The following DAB1 variants were observed in gnomAD, a reference collection of about 807,000 sequenced individuals.
The protein encoded by DAB1 is DAB adaptor protein 1.
Under a neutral mutation model 64.6 loss-of-function variants are expected in DAB1, and 15 were observed. The observed-to-expected ratio is 0.23, with a 90% CI of 0.16 to 0.36. The LOEUF (loss-of-function observed/expected upper bound fraction) is 0.36, where lower values mean the gene tolerates loss of function less well. DAB1 is among the 10% of genes least tolerant of loss of function. DAB1 has a pLI of 1.00. For missense variants in DAB1, 596 were observed against 706.7 expected, an observed-to-expected ratio of 0.84 and a Z score of 1.78; for synonymous variants, 235 against 251.9, an observed-to-expected ratio of 0.93 and a Z score of 0.64.
intron 5 of DAB1, among the ~76,000 whole-genome samples, chr1:57,936,134 A>G (rs1645021451): frequency 6.6e-6 from 1 of 152,240 alleles, no homozygotes; most frequent in South Asian, 2.1e-4. Context: ...GGTTATTCCA[A>G]GGAAGGCAGG....
At chr1:57,020,354 A>G (rs115262578) in intron 11 of DAB1, among the ~76,000 whole-genome samples, 459 of 152,312 alleles carry the variant, frequency 3.0e-3, no homozygotes, top group Non-Finnish European at 5.0e-3. Flanking sequence ...TGTTGTACCT[A>G]TTTTACAATG....
chr1:57,936,557 A>G (rs1645027481), intron 5 of DAB1, among the ~76,000 whole-genome samples: 1 of 151,952 alleles, frequency 6.6e-6, no homozygotes, highest in South Asian at 2.1e-4. Context: ...ACGCCCAGCT[A>G]ATTTTTTTTT....
Position 57,943,791 on chromosome 1 carries a change from G to A in DAB1, n.388-59629C>T, listed in dbSNP as rs1006553032. Among the ~76,000 whole-genome samples, 12 of 152,194 alleles carry A rather than the reference G, an allele frequency of 7.9e-5. No individual in the cohort carries two copies. In the South Asian group the frequency reaches 1.0e-3, roughly 13 times the overall value. On this transcript the variant is annotated intron_variant and non_coding_transcript_variant, in intron 5 of 20. Coordinates refer to the DAB1 transcript ENST00000485760. Reference sequence around the variant, plus strand: ...ATCACCCTCTACCATACTCATACCCGAGATTTATGGTAACAAGAAAGCCAT... The same window carrying A: ...ATCACCCTCTACCATACTCATACCCAAGATTTATGGTAACAAGAAAGCCAT...
chr1:57,985,891 C>G (rs1646206069), intron 5 of DAB1, among the ~76,000 whole-genome samples: 1 of 152,164 alleles, frequency 6.6e-6, no homozygotes, highest in African/African-American at 2.4e-5. Flanking sequence ...CACCATGCAC[C>G]AGAGACTCTG....
chr1:58,239,848 C>G (rs991807419), intron 4 of DAB1, among the ~76,000 whole-genome samples: 3 of 152,162 alleles, frequency 2.0e-5, no homozygotes, highest in African/African-American at 7.2e-5. Flanking sequence ...AGCACATGAA[C>G]TAAGCTACAG....
chr1:57,588,818 A>C (rs1215508674), intron 7 of DAB1, among the ~76,000 whole-genome samples: 2 of 152,236 alleles, frequency 1.3e-5, no homozygotes, highest in Admixed American at 6.5e-5. Flanking sequence ...GTATTTTAAA[A>C]CTGGGGAAAA....
chr1:57,748,203 C>T (rs1648378136), intron 6 of DAB1, among the ~76,000 whole-genome samples: 1 of 152,186 alleles, frequency 6.6e-6, no homozygotes, highest in South Asian at 2.1e-4. Flanking sequence ...TGGGCAACAT[C>T]AAAGACCTTG....
intron 7 of DAB1, among the ~76,000 whole-genome samples, chr1:57,563,576 G>C (rs1645078692): frequency 6.6e-6 from 1 of 152,136 alleles, no homozygotes; most frequent in African/African-American, 2.4e-5. Flanking sequence ...CTGGAAAATT[G>C]GGTCACTCCC....
At position 57,376,998 on chromosome 1, in the gene DAB1, G is replaced by A. The variant is rs1257038165; in HGVS notation, c.-137+46932C>T. Among the ~76,000 whole-genome samples the A allele has an allele frequency of 7.2e-5, 11 of 152,140 alleles. 1 individual carries two copies. Among genetic ancestry groups the A allele is most frequent in the South Asian group, 4.1e-4 (2 of 4,824 alleles). On this transcript the variant is annotated intron_variant, in intron 1 of 14. Transcript: ENST00000371236. ...AAAGGCCGGCCACTGTCCAGGTGCC[G>A]GTGGCTCATGCCTATAATCCCAACA...
At chr1:57,748,349 G>A (rs1359335279) in intron 6 of DAB1, among the ~76,000 whole-genome samples, 2 of 152,190 alleles carry the variant, frequency 1.3e-5, no homozygotes, top group Admixed American at 1.3e-4. Context: ...TTGGGAGCAT[G>A]AGATCTTGGT....
chr1:58,494,600 T>C (rs1279386444), intron 3 of DAB1, among the ~76,000 whole-genome samples: 1 of 151,940 alleles, frequency 6.6e-6, no homozygotes, highest in Non-Finnish European at 1.5e-5. Context: ...CATCAAAAAG[T>C]GGGTGAAGGA....
chr1:57,561,159 G>A (rs532010999), intron 7 of DAB1, among the ~76,000 whole-genome samples: 1 of 152,308 alleles, frequency 6.6e-6, no homozygotes, highest in East Asian at 1.9e-4. Context: ...CTGCACCGAT[G>A]AACTCATGGG....
intron 4 of DAB1, among the ~76,000 whole-genome samples, chr1:58,152,015 CA>C (rs1654967345): frequency 6.6e-6 from 1 of 152,138 alleles, no homozygotes; most frequent in African/African-American, 2.4e-5. Flanking sequence ...GCACAGAAAT[CA>C]GGAACAAGGT....
At chr1:57,569,280 A>G (rs967170942) in intron 7 of DAB1, among the ~76,000 whole-genome samples, 5 of 130,862 alleles carry the variant, frequency 3.8e-5, no homozygotes, top group African/African-American at 1.1e-4. Context: ...AAAAAGACAC[A>G]TGCACACGTA....
intron 4 of DAB1, among the ~76,000 whole-genome samples, chr1:58,162,244 C>A (rs535570694): frequency 6.6e-6 from 1 of 152,288 alleles, no homozygotes; most frequent in African/African-American, 2.4e-5. Flanking sequence ...GACAACGATC[C>A]TGTCAAACCT....
chr1:58,338,361 C>T (rs964949568), intron 4 of DAB1, among the ~76,000 whole-genome samples: 1 of 152,140 alleles, frequency 6.6e-6, no homozygotes, highest in Non-Finnish European at 1.5e-5. Flanking sequence ...CTGCTGGAGT[C>T]CTTCATTCCT....
chr1:58,048,639 C>T (rs1388380967), intron 5 of DAB1: 5 of 1,223,618 alleles, frequency 4.1e-6, no homozygotes, highest in Admixed American at 1.7e-5. Context: ...AAGTTTCCTC[C>T]ACAACCAAAG....
At chr1:58,287,785 G>C (rs1661722229) in intron 4 of DAB1, among the ~76,000 whole-genome samples, 1 of 152,070 alleles carries the variant, frequency 6.6e-6, no homozygotes, top group Non-Finnish European at 1.5e-5. Context: ...ACTTCGGGAG[G>C]CTGAGGCAGG....
chr1:58,072,278 T>C (rs1245639354), intron 5 of DAB1, among the ~76,000 whole-genome samples: 2 of 152,194 alleles, frequency 1.3e-5, no homozygotes, highest in African/African-American at 4.8e-5. Context: ...TAAATATTTA[T>C]TTTGGGCCAT....
Sources: gnomAD v4.1 joint callset for allele counts (sites outside exome capture counted in the v4.1 genomes callset) on GRCh38, gnomAD v4.1.1 for gene constraint, MANE v1.5 for transcripts, NCBI Gene and HGNC (gene_info 2026-07-23, HGNC 2026-07-21) for gene names.